Variants in PPP1R9A observed in about 807,000 individuals in gnomAD.
PPP1R9A encodes the protein protein phosphatase 1 regulatory subunit 9A, also known as neurabin-1.
A neutral mutation model predicts 141.9 loss-of-function variants in PPP1R9A; 59 were observed. That is an observed-to-expected ratio of 0.42 (90% confidence interval 0.34 to 0.52). The LOEUF (loss-of-function observed/expected upper bound fraction) is 0.52, where lower values mean the gene tolerates loss of function less well. Among genes scored for constraint, PPP1R9A ranks in the 20% least tolerant of loss-of-function variants. The pLI is 0.10. For synonymous variants in PPP1R9A, 500 were observed against 569.7 expected (o/e 0.88, Z 1.74); for missense variants, 1,444 against 1,611.9 (o/e 0.90, Z 1.78).
intron 2 of PPP1R9A, among the ~76,000 whole-genome samples, chr7:95,008,286 G>A (rs1313609160): frequency 6.6e-6 from 1 of 152,022 alleles, no homozygotes; most frequent in Admixed American, 6.6e-5. Flanking sequence ...TTCATAAAAG[G>A]GGTTTTTAGG....
chr7:94,915,208 A>G (rs1791924223), intron 2 of PPP1R9A, among the ~76,000 whole-genome samples: 1 of 152,206 alleles, frequency 6.6e-6, no homozygotes, highest in South Asian at 2.1e-4. Context: ...AGCTTCTTCA[A>G]ACCTTACATG....
chr7:95,007,157 C>T (rs1031648949), intron 2 of PPP1R9A, among the ~76,000 whole-genome samples: 12 of 152,068 alleles, frequency 7.9e-5, no homozygotes, highest in Non-Finnish European at 1.3e-4. Context: ...CCATCGTGCC[C>T]GGCCATAATA....
At chr7:94,977,609 G>T (rs1306433327) in intron 2 of PPP1R9A, among the ~76,000 whole-genome samples, 1 of 152,098 alleles carries the variant, frequency 6.6e-6, no homozygotes, top group African/African-American at 2.4e-5. Context: ...AGATTAACAA[G>T]TCAGACTGTT....
At chr7:94,915,704 AT>A (rs1791988266) in intron 2 of PPP1R9A, among the ~76,000 whole-genome samples, 1 of 152,220 alleles carries the variant, frequency 6.6e-6, no homozygotes, top group Non-Finnish European at 1.5e-5. Context: ...TGGATAAACA[AT>A]GTTCCTATGT....
At chr7:95,195,874 GATGTCATCTCTACAA>G (rs1176173381) in intron 5 of PPP1R9A, among the ~76,000 whole-genome samples, 1 of 152,014 alleles carries the variant, frequency 6.6e-6, no homozygotes, top group East Asian at 2.0e-4. Context: ...AAAACAATGA[GATGTCATCTCTACAA>G]AAAATTATAA....
At chr7:95,070,593 G>GTGTATATATATATATATATATATA (rs376992260) in intron 2 of PPP1R9A, among the ~76,000 whole-genome samples, 2 of 111,940 alleles carry the variant, frequency 1.8e-5, no homozygotes, top group African/African-American at 3.6e-5. Context: ...TAAATCTCTG[G>GTGTATATATATATATATATATATA]TATATATATA....
intron 4 of PPP1R9A, among the ~76,000 whole-genome samples, chr7:95,161,336 CTGTT>C (rs2152710136): frequency 6.6e-6 from 1 of 152,180 alleles, no homozygotes; most frequent in South Asian, 2.1e-4. Context: ...TGGGAAATGT[CTGTT>C]TGTGTCTTTT....
chr7:95,208,978 A>AT (rs1554562097), intron 7 of PPP1R9A, among the ~76,000 whole-genome samples: 1 of 149,082 alleles, frequency 6.7e-6, no homozygotes, highest in Non-Finnish European at 1.5e-5. Flanking sequence ...AAAAAAAAAA[A>AT]CTCTGATAAA....
intron 7 of PPP1R9A, among the ~76,000 whole-genome samples, chr7:95,210,755 C>T (rs1049356199): frequency 6.6e-6 from 1 of 152,136 alleles, no homozygotes; most frequent in Non-Finnish European, 1.5e-5. Flanking sequence ...CCCAAATGCC[C>T]ACCAATGATA....
At chr7:94,968,762 C>A (rs1798533526) in intron 2 of PPP1R9A, among the ~76,000 whole-genome samples, 1 of 152,134 alleles carries the variant, frequency 6.6e-6, no homozygotes, top group Non-Finnish European at 1.5e-5. Context: ...TTCTCCCTGT[C>A]ACTTTCAGGT....
chr7:95,145,809 G>A (rs1827505421), intron 4 of PPP1R9A, among the ~76,000 whole-genome samples: 1 of 152,160 alleles, frequency 6.6e-6, no homozygotes, highest in Non-Finnish European at 1.5e-5. Context: ...CTTCATCCAT[G>A]TCCCTGCAAA....
intron 2 of PPP1R9A, among the ~76,000 whole-genome samples, chr7:95,096,856 C>T (rs1168196431): frequency 6.6e-6 from 1 of 152,084 alleles, no homozygotes; most frequent in Non-Finnish European, 1.5e-5. Flanking sequence ...CTTATGTTTG[C>T]TCACGCTAAC....
chr7:95,280,369 G>C (rs1803967263), intron 16 of PPP1R9A, among the ~76,000 whole-genome samples: 1 of 152,188 alleles, frequency 6.6e-6, no homozygotes, highest in Admixed American at 6.5e-5. Flanking sequence ...CATCCAGTTA[G>C]ATGCTGAATA....
intron 7 of PPP1R9A, among the ~76,000 whole-genome samples, chr7:95,222,085 A>G (rs1794539851): frequency 6.6e-6 from 1 of 152,080 alleles, no homozygotes. Context: ...GGGTAAGCAT[A>G]TTATGAGAGA....
In PPP1R9A at chr7:95,038,111, TA is replaced by T. The variant is rs11438512; in HGVS notation, c.1396-73136del. On this transcript the variant is annotated intron_variant, in intron 2 of 19. Transcript: ENST00000433360. ...TGGGTGACAGAACAAGACCATGTCTTAAAAAAAAAAAAGACGTTATTATTCA... is the reference window on the plus strand; with the variant it reads ...TGGGTGACAGAACAAGACCATGTCTTAAAAAAAAAAAGACGTTATTATTCA... 3.5e-3 allele frequency among the ~76,000 whole-genome samples: 503 copies of T among 142,404 alleles called. 2 individuals carry two copies. The highest frequency in any genetic ancestry group is 5.9e-3 in the African/African-American group (230 of 39,152). 93.4% of individuals were successfully genotyped at this position (142,404 alleles called of 152,430 possible).
chr7:94,952,184 A>G (rs1033831373), intron 2 of PPP1R9A, among the ~76,000 whole-genome samples: 15 of 152,128 alleles, frequency 9.9e-5, no homozygotes, highest in African/African-American at 3.1e-4. Flanking sequence ...ACTCCCACTT[A>G]TGAGTGAGAA....
At chr7:95,173,172 T>C (rs1832387967) in intron 5 of PPP1R9A, among the ~76,000 whole-genome samples, 1 of 151,850 alleles carries the variant, frequency 6.6e-6, no homozygotes, top group Non-Finnish European at 1.5e-5. Context: ...AACTCAGGAA[T>C]AGAAAATCAA....
rs778580049 is a variant in PPP1R9A, at chr7:94,911,155, G to A, written c.1042G>A (p.Glu348Lys). Residue 348 changes from glutamate to lysine, a missense_variant, in exon 2 of 20, where the codon GAA (glutamate) becomes AAA (lysine). This residue lies in a region of PPP1R9A where 490 missense variants were observed against 521.1 expected (regional missense o/e 0.94). Coordinates refer to ENST00000433360, the MANE Select transcript of PPP1R9A (RefSeq NM_001166160.2). ...SPQSQLLEDA[E>K]ANLVGREAAK... ...ACAAAGCCAACTGTTAGAAGATGCT[G>A]AAGCTAATTTGGTTGGAAGGGAGGC... 6.2e-7 allele frequency: 1 copy of A among 1,614,198 alleles called. No homozygotes were observed. Among genetic ancestry groups the A allele is most frequent in the Non-Finnish European group, 8.5e-7 (1 of 1,180,028 alleles).
intron 8 of PPP1R9A, among the ~76,000 whole-genome samples, chr7:95,237,181 T>TATATA (rs1314898039): frequency 1.6e-5 from 2 of 123,240 alleles, no homozygotes; most frequent in Admixed American, 1.6e-4. Context: ...ATATATATAT[T>TATATA]TTTTTTTTTT....
Sources: allele counts gnomAD v4.1 joint callset (sites outside exome capture counted in the v4.1 genomes callset), GRCh38; gene constraint gnomAD v4.1.1; regional missense constraint gnomAD v4.1.1; transcripts MANE v1.5; gene names NCBI Gene and HGNC (gene_info 2026-07-23, HGNC 2026-07-21).